The following UGT8 variants were observed in gnomAD, a reference collection of about 807,000 sequenced individuals.
The protein encoded by UGT8 is UDP glycosyltransferase 8, also known as 2-hydroxyacylsphingosine 1-beta-galactosyltransferase.
In UGT8, 12 loss-of-function variants were observed where a neutral mutation model predicts 40.5. That is an observed-to-expected ratio of 0.30 (90% CI 0.19 to 0.48). The LOEUF is 0.48. Among genes scored for constraint, UGT8 ranks in the 20% least tolerant of loss-of-function variants. UGT8 has a pLI of 0.99. For synonymous variants in UGT8, 224 were observed against 240.4 expected, an observed-to-expected ratio of 0.93 and a Z score of 0.63; for missense variants, 513 against 648.7, an observed-to-expected ratio of 0.79 and a Z score of 2.27.
At chr4:114,647,909 A>C (rs1192747919) in intron 2 of UGT8, among the ~76,000 whole-genome samples, 1 of 152,282 alleles carries the variant, frequency 6.6e-6, no homozygotes, top group East Asian at 1.9e-4. Context: ...AATTGACATA[A>C]CTGTGGAAGA....
At chr4:114,606,329 A>C (rs988266035) in intron 1 of UGT8, among the ~76,000 whole-genome samples, 1 of 152,128 alleles carries the variant, frequency 6.6e-6, no homozygotes, top group African/African-American at 2.4e-5. Context: ...GCTTTGAGAG[A>C]GCTGTTCTAA....
rs770797006 is a variant in UGT8 at position 114,676,042 on chromosome 4, A to G, written c.1380A>G (p.Leu460=). The change falls in exon 6 of 6, where the codon CTA becomes CTG. Residue 460 remains leucine (L), a synonymous_variant. Transcript: ENST00000310836. ...YIIRHNGAHH[L]RAAVHQISFC... is the part of the protein sequence containing the mutation. ...TTCGTCACAATGGAGCCCATCACCT[A>G]CGTGCCGCTGTCCATCAGATCTCCT... The G allele has an allele frequency of 1.9e-5, 30 of 1,614,092 alleles. No homozygotes were observed. Among genetic ancestry groups the G allele is most frequent in the Non-Finnish European group, 2.5e-5 (29 of 1,180,052 alleles).
chr4:114,619,159 G>A (rs1731619262), intron 1 of UGT8, among the ~76,000 whole-genome samples: 2 of 151,990 alleles, frequency 1.3e-5, no homozygotes, highest in Non-Finnish European at 2.9e-5. Flanking sequence ...ATCATCCAGT[G>A]GGATTTGGAA....
intron 2 of UGT8, among the ~76,000 whole-genome samples, chr4:114,650,479 G>A (rs565311155): frequency 4.6e-5 from 7 of 152,164 alleles, no homozygotes; most frequent in African/African-American, 1.7e-4. Context: ...ATTTTTTAAA[G>A]CCTCATATCT....
chr4:114,673,382 C>G (rs988256153), intron 5 of UGT8, among the ~76,000 whole-genome samples: 1 of 152,164 alleles, frequency 6.6e-6, no homozygotes, highest in Non-Finnish European at 1.5e-5. Context: ...AATAGTCATA[C>G]AAAATGAAAT....
intron 1 of UGT8, among the ~76,000 whole-genome samples, chr4:114,603,967 C>G (rs1297138845): frequency 6.6e-6 from 1 of 151,930 alleles, no homozygotes; most frequent in African/African-American, 2.4e-5. Flanking sequence ...ATACTTTTAA[C>G]TTTTTTGGTT....
chr4:114,667,945 A>T, intron 4 of UGT8, 140 bp from the exon 5 acceptor site: 1 of 1,430,704 alleles, frequency 7.0e-7, no homozygotes. Context: ...GTAGAGCAGG[A>T]ATCAGTGAAA....
chr4:114,663,783 AC>A, intron 2 of UGT8: 1 of 985,248 alleles, frequency 1.0e-6, no homozygotes, highest in South Asian at 4.7e-5. Flanking sequence ...TACAGATCTT[AC>A]CAAATAAACC....
chr4:114,598,742 A>C (rs1488052664), upstream of UGT8: 1 of 151,866 alleles, frequency 6.6e-6, no homozygotes, highest in Non-Finnish European at 1.5e-5. Context: ...GGAGCTGCGG[A>C]CGAGCAGGCG....
chr4:114,632,685 T>C (rs1378519323), intron 2 of UGT8, among the ~76,000 whole-genome samples: 1 of 152,204 alleles, frequency 6.6e-6, no homozygotes, highest in Non-Finnish European at 1.5e-5. Context: ...CTAAGGAATT[T>C]TAAATATTTC....
rs1578464540 is a variant in UGT8, at chr4:114,663,879, T to C, written c.823-116T>C. 7 of 1,489,364 alleles carry C rather than the reference T, an allele frequency of 4.7e-6. No homozygotes were observed. In the East Asian group the frequency reaches 1.6e-4, roughly 35 times the overall value. 92.3% of individuals were successfully genotyped at this position (1,489,364 alleles called of 1,614,324 possible). A position where few individuals can be genotyped will look rare whatever the true frequency, so the allele number is the denominator to read the frequency against. On this transcript the variant is annotated intron_variant, in intron 2 of 5. Coordinates refer to ENST00000310836, the MANE Select transcript of UGT8 (RefSeq NM_001128174.3). ...TAGAAGAAAATATCATATCCTTTAC[T>C]TTCTAATTGTTTAAGAAAATTACTT...
At chr4:114,613,594 C>T (rs1731216564) in intron 1 of UGT8, among the ~76,000 whole-genome samples, 2 of 152,128 alleles carry the variant, frequency 1.3e-5, no homozygotes, top group Admixed American at 1.3e-4. Flanking sequence ...TTTCTAAATT[C>T]CCAAGATAAT....
rs1185642438 is a variant in UGT8 at position 114,629,770 on chromosome 4, G to C, written c.822+6068G>C. 2.6e-5 allele frequency among the ~76,000 whole-genome samples: 4 copies of C among 152,134 alleles called. No homozygotes were observed. The South Asian group carries it at 6.2e-4, about 24-fold the overall frequency. On this transcript the variant is annotated intron_variant, in intron 2 of 5. Transcript: ENST00000310836. ...CATTATGGGCTTACAAGGATTTCCT[G>C]ATATGATAGGAGATCCAATATATGA...
intron 2 of UGT8, among the ~76,000 whole-genome samples, chr4:114,659,990 TA>T (rs1216789619): frequency 6.6e-6 from 1 of 152,234 alleles, no homozygotes; most frequent in African/African-American, 2.4e-5. Flanking sequence ...CAAGACTGGC[TA>T]ACCATTTGGT....
At chr4:114,613,964 G>A (rs1430330271) in intron 1 of UGT8, among the ~76,000 whole-genome samples, 1 of 152,100 alleles carries the variant, frequency 6.6e-6, no homozygotes, top group Non-Finnish European at 1.5e-5. Context: ...TGTGTACAAG[G>A]TACTGAGTGC....
chr4:114,611,546 T>C (rs4623029), intron 1 of UGT8, among the ~76,000 whole-genome samples: 2,583 of 140,382 alleles, frequency 0.018, 65 homozygotes, highest in African/African-American at 0.046. Context: ...TATATATATA[T>C]ACACACACAC....
intron 2 of UGT8, among the ~76,000 whole-genome samples, chr4:114,654,428 C>G (rs1274614515): frequency 4.6e-5 from 7 of 151,962 alleles, no homozygotes; most frequent in Non-Finnish European, 7.4e-5. Context: ...ACCCTAGTAA[C>G]GTTTAAGCAA....
At chr4:114,606,263 T>G (rs1195036917) in intron 1 of UGT8, among the ~76,000 whole-genome samples, 1 of 152,192 alleles carries the variant, frequency 6.6e-6, no homozygotes, top group Non-Finnish European at 1.5e-5. Flanking sequence ...CAATTTTACT[T>G]AAATAAAAAT....
intron 2 of UGT8, among the ~76,000 whole-genome samples, chr4:114,657,010 G>T (rs1275927545): frequency 6.6e-6 from 1 of 152,046 alleles, no homozygotes; most frequent in Non-Finnish European, 1.5e-5. Flanking sequence ...GAAATTAGGT[G>T]GGTTTCCAAG....
Sources: gnomAD v4.1 joint callset for allele counts (sites outside exome capture counted in the v4.1 genomes callset) on GRCh38, gnomAD v4.1.1 for gene constraint, MANE v1.5 for transcripts, NCBI Gene and HGNC (gene_info 2026-07-23, HGNC 2026-07-21) for gene names.